SYT1: variants seen among roughly 807,000 people sequenced by gnomAD.
SYT1 encodes the protein synaptotagmin-1.
In SYT1, 8 loss-of-function variants were observed where a neutral mutation model predicts 44.8. The observed-to-expected ratio is 0.18, with a 90% CI of 0.10 to 0.32. SYT1 has a LOEUF of 0.32. Ranked by LOEUF, SYT1 falls within the 10% of genes least tolerant of loss-of-function variation. SYT1 has a pLI of 1.00. For missense variants in SYT1, 286 were observed against 509.3 expected (o/e 0.56, Z 4.22); for synonymous variants, 154 against 188.8 (o/e 0.82, Z 1.51).
At chr12:78,907,690 C>T (rs1031390065) in intron 1 of SYT1, among the ~76,000 whole-genome samples, 6 of 151,904 alleles carry the variant, frequency 3.9e-5, no homozygotes, top group Non-Finnish European at 8.8e-5. Context: ...ATGCCAAGTG[C>T]CGTTAGGTCA....
rs538891152 is a variant in SYT1 at position 78,931,465 on chromosome 12, A to G, written c.-216-46334A>G. 9.7e-3 allele frequency among the ~76,000 whole-genome samples: 1,398 copies of G among 144,328 alleles called. 28 individuals carry two copies. The highest frequency in any genetic ancestry group is 0.01 in the Non-Finnish European group (677 of 66,646). The allele number at this position is 144,328 out of a possible 152,430, so 94.7% of individuals were successfully genotyped here. ...AGAAATAGAGAGAGAGAAAGAAAGA[A>G]AAAGAAAGAAAGAAAGAAAGAGAAA... On this transcript the variant is annotated intron_variant, in intron 1 of 10. Coordinates refer to ENST00000261205, the MANE Select transcript of SYT1 (RefSeq NM_005639.3).
intron 3 of SYT1, among the ~76,000 whole-genome samples, chr12:79,058,224 G>A (rs887240551): frequency 5.9e-5 from 9 of 151,924 alleles, no homozygotes; most frequent in Non-Finnish European, 1.2e-4. Context: ...TTATAAGATG[G>A]ATATTTATCG....
intron 2 of SYT1, among the ~76,000 whole-genome samples, chr12:79,039,196 G>A (rs1873344779): frequency 1.3e-5 from 2 of 151,900 alleles, no homozygotes; most frequent in Non-Finnish European, 2.9e-5. Flanking sequence ...TTTTCTCAAT[G>A]TCAAGCCTGT....
chr12:79,211,491 C>T (rs1874447169), intron 3 of SYT1, among the ~76,000 whole-genome samples: 1 of 151,850 alleles, frequency 6.6e-6, no homozygotes, highest in Non-Finnish European at 1.5e-5. Flanking sequence ...GCACATTGTG[C>T]AGGTTAGTTA....
intron 1 of SYT1, among the ~76,000 whole-genome samples, chr12:78,920,967 G>A (rs527457101): frequency 1.3e-5 from 2 of 151,892 alleles, no homozygotes; most frequent in South Asian, 2.1e-4. Flanking sequence ...ATTTCTACAC[G>A]ATTGATAGAT....
chr12:78,880,137 C>T (rs1279804007), intron 1 of SYT1, among the ~76,000 whole-genome samples: 1 of 151,604 alleles, frequency 6.6e-6, no homozygotes, highest in East Asian at 1.9e-4. Context: ...GTAACTTCTT[C>T]CCCAACCAGA....
intron 1 of SYT1, chr12:78,960,391 T>C (rs1031524457): frequency 6.6e-5 from 10 of 152,236 alleles, no homozygotes; most frequent in African/African-American, 2.4e-4. Context: ...TGTTTATAAT[T>C]TGGAAAATAG....
At position 79,124,086 on chromosome 12, in the gene SYT1, G is replaced by A. The variant is rs12368800; in HGVS notation, c.-18+76724G>A. 1.2e-3 allele frequency among the ~76,000 whole-genome samples: 189 copies of A among 152,240 alleles called. 1 individual carries two copies. Among genetic ancestry groups the A allele is most frequent in the South Asian group, 3.5e-3 (17 of 4,826 alleles). ...ACCCCATGAGGTTTTCCTGAAATAA[G>A]CCACATTAAAATTGTCAAAAAGAAA... On this transcript the variant is annotated intron_variant, in intron 3 of 10. Coordinates refer to ENST00000261205, the MANE Select transcript of SYT1 (RefSeq NM_005639.3).
At chr12:79,437,596 C>T (rs1049483573) in intron 9 of SYT1, among the ~76,000 whole-genome samples, 13 of 152,120 alleles carry the variant, frequency 8.5e-5, no homozygotes, top group African/African-American at 3.1e-4. Flanking sequence ...CCATTGGGGT[C>T]CCTATAATTG....
intron 4 of SYT1, among the ~76,000 whole-genome samples, chr12:79,279,204 C>A (rs186744167): frequency 2.0e-5 from 3 of 151,240 alleles, no homozygotes; most frequent in African/African-American, 7.3e-5. Flanking sequence ...AGGACACAGC[C>A]GAATAGGAAA....
chr12:79,409,831 A>G (rs1946175322), intron 9 of SYT1, among the ~76,000 whole-genome samples: 1 of 152,108 alleles, frequency 6.6e-6, no homozygotes, highest in African/African-American at 2.4e-5. Context: ...GGAATGCAGC[A>G]AGGAAAGAAT....
chr12:79,382,248 A>G (rs1884253416), intron 9 of SYT1, among the ~76,000 whole-genome samples: 1 of 152,166 alleles, frequency 6.6e-6, no homozygotes, highest in Non-Finnish European at 1.5e-5. Context: ...GCCTTTGCCT[A>G]TAATGCTCTA....
At chr12:79,236,461 C>A (rs1325661409) in intron 4 of SYT1, among the ~76,000 whole-genome samples, 1 of 152,080 alleles carries the variant, frequency 6.6e-6, no homozygotes, top group Admixed American at 6.6e-5. Context: ...TGACATTACC[C>A]CCATCTCTGT....
chr12:79,344,658 A>T (rs1044649070), intron 8 of SYT1, among the ~76,000 whole-genome samples: 1 of 151,830 alleles, frequency 6.6e-6, no homozygotes, highest in African/African-American at 2.4e-5. Context: ...GATTTCACCA[A>T]GTTGCCCAGG....
chr12:79,021,535 C>T (rs1872193558), intron 2 of SYT1, among the ~76,000 whole-genome samples: 1 of 151,604 alleles, frequency 6.6e-6, no homozygotes, highest in African/African-American at 2.4e-5. Context: ...AAAATAGTAT[C>T]ATAGCATCGT....
intron 9 of SYT1, among the ~76,000 whole-genome samples, chr12:79,407,931 C>G (rs193126179): frequency 5.6e-4 from 85 of 152,222 alleles, no homozygotes; most frequent in African/African-American, 1.9e-3. Context: ...GTTTTATCCT[C>G]TTAATCTTGT....
At chr12:78,937,488 T>C (rs1266973367) in intron 1 of SYT1, among the ~76,000 whole-genome samples, 1 of 152,126 alleles carries the variant, frequency 6.6e-6, no homozygotes, top group Non-Finnish European at 1.5e-5. Flanking sequence ...TTATTAATAA[T>C]ATTTTTAGTA....
intron 9 of SYT1, among the ~76,000 whole-genome samples, chr12:79,358,683 G>A (rs1883203785): frequency 6.6e-6 from 1 of 152,114 alleles, no homozygotes; most frequent in Admixed American, 6.6e-5. Context: ...ATAGCATTCA[G>A]CCTTGCCCAC....
At chr12:78,944,167 T>C (rs1878531843) in intron 1 of SYT1, among the ~76,000 whole-genome samples, 1 of 151,628 alleles carries the variant, frequency 6.6e-6, no homozygotes, top group African/African-American at 2.4e-5. Context: ...TAATGTTCAG[T>C]GTAGCTGAAA....
Sources: allele counts gnomAD v4.1 joint callset (sites outside exome capture counted in the v4.1 genomes callset), GRCh38; gene constraint gnomAD v4.1.1; transcripts MANE v1.5; gene names NCBI Gene and HGNC (gene_info 2026-07-23, HGNC 2026-07-21).